Variants in SORCS3 observed in about 807,000 individuals in gnomAD.
SORCS3 encodes the protein VPS10 domain-containing receptor SorCS3.
In SORCS3, 57 loss-of-function variants were observed where a neutral mutation model predicts 146.3. The observed-to-expected ratio is 0.39, with a 90% CI of 0.31 to 0.49. The LOEUF (loss-of-function observed/expected upper bound fraction) is 0.49, where lower values mean the gene tolerates loss of function less well. Among genes scored for constraint, SORCS3 ranks in the 20% least tolerant of loss-of-function variants. The pLI, the probability that SORCS3 is intolerant of heterozygous loss-of-function variation, is 0.92. For missense variants in SORCS3, 1,341 were observed against 1,575.5 expected (o/e 0.85, Z 2.52); for synonymous variants, 653 against 618.5 (o/e 1.06, Z -0.83).
intron 5 of SORCS3, among the ~76,000 whole-genome samples, chr10:105,074,407 T>C (rs1321718652): frequency 6.6e-6 from 1 of 152,182 alleles, no homozygotes; most frequent in Non-Finnish European, 1.5e-5. Flanking sequence ...GCCAGTTTCG[T>C]GCTAGGAGGT....
chr10:104,670,548 C>T (rs2015838782), intron 1 of SORCS3, among the ~76,000 whole-genome samples: 1 of 152,186 alleles, frequency 6.6e-6, no homozygotes, highest in African/African-American at 2.4e-5. Context: ...ATGTATCTGT[C>T]TTTTTGCTAG....
intron 1 of SORCS3, among the ~76,000 whole-genome samples, chr10:104,730,300 A>ACG (rs1215997829): frequency 1.3e-5 from 2 of 152,192 alleles, no homozygotes; most frequent in African/African-American, 4.8e-5. Context: ...CTCAAGGAAT[A>ACG]TGTGCCACAG....
At chr10:105,035,617 G>A (rs2797816) in intron 4 of SORCS3, among the ~76,000 whole-genome samples, 31,407 of 151,626 alleles carry the variant, frequency 0.21, 3,494 homozygotes, top group African/African-American at 0.29. Flanking sequence ...ACAGGTGCCC[G>A]CCACCAGGCC....
chr10:105,138,761 A>ATTG (rs1463898777), intron 7 of SORCS3, among the ~76,000 whole-genome samples: 6 of 152,334 alleles, frequency 3.9e-5, no homozygotes, highest in African/African-American at 1.4e-4. Flanking sequence ...CTAGCCAGAG[A>ATTG]TAACAGAGTT....
intron 2 of SORCS3, among the ~76,000 whole-genome samples, chr10:104,900,193 T>C (rs761883451): frequency 6.6e-6 from 1 of 152,224 alleles, no homozygotes; most frequent in Non-Finnish European, 1.5e-5. Context: ...AAAGTTGGTT[T>C]ATAATGTGCT....
intron 1 of SORCS3, among the ~76,000 whole-genome samples, chr10:104,664,355 C>T (rs531271189): frequency 4.7e-4 from 71 of 152,278 alleles, no homozygotes; most frequent in Admixed American, 1.4e-3. Context: ...TCATCCTTGA[C>T]GTGTAACACA....
chr10:105,175,277 T>A (rs2056392067), intron 13 of SORCS3, among the ~76,000 whole-genome samples: 1 of 150,250 alleles, frequency 6.7e-6, no homozygotes, highest in Non-Finnish European at 1.5e-5. Flanking sequence ...GTCAGGCTGG[T>A]CTCAAACTCC....
intron 1 of SORCS3, among the ~76,000 whole-genome samples, chr10:104,724,709 G>A (rs905505491): frequency 6.6e-6 from 1 of 151,988 alleles, no homozygotes; most frequent in Non-Finnish European, 1.5e-5. Context: ...TTCTCTTCTT[G>A]CTTCATTTCA....
At chr10:105,254,283 A>G (rs2056917864) in intron 23 of SORCS3, among the ~76,000 whole-genome samples, 1 of 152,186 alleles carries the variant, frequency 6.6e-6, no homozygotes, top group South Asian at 2.1e-4. Context: ...ACTTCATCAG[A>G]TTACAGAGCT....
intron 18 of SORCS3, among the ~76,000 whole-genome samples, chr10:105,216,263 C>T (rs142550579): frequency 3.2e-4 from 48 of 152,206 alleles, no homozygotes; most frequent in African/African-American, 1.1e-3. Flanking sequence ...GAATGGGAAT[C>T]GCCATCCTAT....
rs1480614419 is a variant in SORCS3, at chr10:104,885,251, C to A, written c.696-30582C>A. Among the ~76,000 whole-genome samples the A allele has an allele frequency of 3.9e-5, 6 of 152,300 alleles. No homozygotes were observed. In the East Asian group the frequency reaches 1.2e-3, roughly 29 times the overall value. On this transcript the variant is annotated intron_variant, in intron 2 of 26. Transcript: ENST00000369701. ...CTGTCAAAAGTTTCTGTCTACTGGACATTTTGGAATCATAAGCCATGCCCT... is the reference window on the plus strand; with the variant it reads ...CTGTCAAAAGTTTCTGTCTACTGGAAATTTTGGAATCATAAGCCATGCCCT...
intron 1 of SORCS3, among the ~76,000 whole-genome samples, chr10:104,707,451 C>A (rs750843465): frequency 2.0e-4 from 31 of 152,096 alleles, no homozygotes; most frequent in Non-Finnish European, 3.5e-4. Flanking sequence ...GATCTAAAGA[C>A]CCTCACTGAA....
chr10:104,646,091 C>T (rs1589445551), intron 1 of SORCS3, among the ~76,000 whole-genome samples: 2 of 152,192 alleles, frequency 1.3e-5, no homozygotes, highest in African/African-American at 4.8e-5. Flanking sequence ...TGCATGGGGA[C>T]ATAACGGTAC....
At chr10:105,102,355 A>T (rs1297098729) in intron 6 of SORCS3, among the ~76,000 whole-genome samples, 1 of 152,246 alleles carries the variant, frequency 6.6e-6, no homozygotes, top group African/African-American at 2.4e-5. Context: ...ACCATAAAAA[A>T]GAATGAGATC....
chr10:105,043,557 T>C (rs1271920732), intron 5 of SORCS3, among the ~76,000 whole-genome samples: 1 of 152,326 alleles, frequency 6.6e-6, no homozygotes, highest in Non-Finnish European at 1.5e-5. Context: ...CACAAAATGC[T>C]TCTTCTTTCA....
intron 1 of SORCS3, among the ~76,000 whole-genome samples, chr10:104,775,988 G>T (rs535353842): frequency 6.6e-6 from 1 of 152,250 alleles, no homozygotes; most frequent in South Asian, 2.1e-4. Flanking sequence ...AACACTTGTT[G>T]GTGTTGAGCA....
At chr10:104,969,303 T>TTGTGTGTGTG (rs59557629) in intron 3 of SORCS3, among the ~76,000 whole-genome samples, 16 of 140,660 alleles carry the variant, frequency 1.1e-4, no homozygotes, top group African/African-American at 2.6e-4. Flanking sequence ...TCAAAAAGGA[T>TTGTGTGTGTG]TGTGTGTGTG....
intron 9 of SORCS3, among the ~76,000 whole-genome samples, chr10:105,151,415 A>T (rs142784083): frequency 6.6e-6 from 1 of 152,270 alleles, no homozygotes; most frequent in East Asian, 1.9e-4. Flanking sequence ...AAATATTCGC[A>T]CGTGTGATGT....
At chr10:104,659,069 G>A (rs1395877576) in intron 1 of SORCS3, among the ~76,000 whole-genome samples, 1 of 152,118 alleles carries the variant, frequency 6.6e-6, no homozygotes, top group East Asian at 1.9e-4. Flanking sequence ...TATTTTTAAG[G>A]AAATATCACA....
Sources: allele counts gnomAD v4.1 joint callset (sites outside exome capture counted in the v4.1 genomes callset), GRCh38; gene constraint gnomAD v4.1.1; transcripts MANE v1.5; gene names NCBI Gene and HGNC (gene_info 2026-07-23, HGNC 2026-07-21).